The following MATN2 variants were observed in gnomAD, a reference collection of about 807,000 sequenced individuals.
MATN2 encodes the protein matrilin 2.
MATN2 carries 69 observed loss-of-function variants against 103.2 expected under a neutral mutation model. That is an observed-to-expected ratio of 0.67 (90% confidence interval 0.55 to 0.82). The LOEUF is 0.82. Ranked by LOEUF, MATN2 falls within the 40% of genes least tolerant of loss-of-function variation. The pLI, the probability that MATN2 is intolerant of heterozygous loss-of-function variation, is 0.00. For missense variants in MATN2, 1,023 were observed against 1,211.5 expected, an observed-to-expected ratio of 0.84 and a Z score of 2.31; for synonymous variants, 429 against 450.2, an observed-to-expected ratio of 0.95 and a Z score of 0.60.
In MATN2 at chr8:98,026,249, T is replaced by A. The variant is rs192934730; in HGVS notation, c.1943-1167T>A. Among the ~76,000 whole-genome samples the A allele has an allele frequency of 6.2e-3, 920 of 149,068 alleles. 9 individuals are homozygous for A. The highest frequency in any genetic ancestry group is 0.021 in the African/African-American group (841 of 40,422). On this transcript the variant is annotated intron_variant, in intron 13 of 18. Transcript: ENST00000254898. ...GAATTTATGGTGATAACTTTTTTTTTAATTTTGTTTTTTTTTTTTTTACGG... is the reference window on the plus strand; with the variant it reads ...GAATTTATGGTGATAACTTTTTTTTAAATTTTGTTTTTTTTTTTTTTACGG...
At chr8:97,899,686 C>G (rs969362263) in intron 2 of MATN2, among the ~76,000 whole-genome samples, 1 of 152,128 alleles carries the variant, frequency 6.6e-6, no homozygotes, top group Admixed American at 6.5e-5. Context: ...CTTTGAAGAC[C>G]CTAACTCCAA....
intron 2 of MATN2, among the ~76,000 whole-genome samples, chr8:97,910,617 T>C (rs1198225446): frequency 6.6e-6 from 1 of 152,242 alleles, no homozygotes; most frequent in Non-Finnish European, 1.5e-5. Context: ...GCAAGGGAAC[T>C]TTCACGTAAT....
chr8:98,000,784 A>C (rs1299904714), intron 7 of MATN2, among the ~76,000 whole-genome samples: 1 of 152,186 alleles, frequency 6.6e-6, no homozygotes, highest in African/African-American at 2.4e-5. Context: ...GAGAAAAATA[A>C]AGATGGCATG....
chr8:97,941,239 T>C (rs548655261), intron 3 of MATN2, among the ~76,000 whole-genome samples: 53 of 149,666 alleles, frequency 3.5e-4, no homozygotes, highest in African/African-American at 1.2e-3. Context: ...GACATAAAGA[T>C]TACAGAAACA....
intron 3 of MATN2, among the ~76,000 whole-genome samples, chr8:97,939,234 G>A (rs957446938): frequency 3.3e-5 from 5 of 152,056 alleles, no homozygotes; most frequent in Admixed American, 1.3e-4. Context: ...CACAGCCAAC[G>A]GTAACTCCTG....
intron 6 of MATN2, among the ~76,000 whole-genome samples, chr8:97,990,509 C>A (rs1812358265): frequency 6.6e-6 from 1 of 152,166 alleles, no homozygotes; most frequent in African/African-American, 2.4e-5. Context: ...CACACAAAAA[C>A]TTGTGCATTA....
chr8:97,914,684 A>T (rs558175367), intron 2 of MATN2, among the ~76,000 whole-genome samples: 119 of 152,140 alleles, frequency 7.8e-4, no homozygotes, highest in African/African-American at 2.6e-3. Flanking sequence ...CAGGAGGCAC[A>T]TGCCGTCCAC....
Position 98,007,398 on chromosome 8 carries a change from T to C in MATN2, c.1451-81T>C, listed in dbSNP as rs1813010237. 1 of 1,569,394 alleles carries C rather than the reference T, an allele frequency of 6.4e-7. No individual in the cohort carries two copies. Among genetic ancestry groups the C allele is most frequent in the Non-Finnish European group, 8.7e-7 (1 of 1,149,276 alleles). Reference sequence around the variant, plus strand: ...TGCATGCCTTCGAGGGAGGGCGGGGTGAGCATGACGGTCACTTGATCCAAT... The same window carrying C: ...TGCATGCCTTCGAGGGAGGGCGGGGCGAGCATGACGGTCACTTGATCCAAT... On this transcript the variant is annotated intron_variant, in intron 9 of 18. Coordinates refer to ENST00000254898, the MANE Select transcript of MATN2 (RefSeq NM_002380.5). This position sits in a 1 kb window ranked among gnomAD's most constrained non-coding sequence, Gnocchi z 4.2.
At chr8:97,890,324 G>A (rs1027621892) in intron 2 of MATN2, among the ~76,000 whole-genome samples, 6 of 152,140 alleles carry the variant, frequency 3.9e-5, no homozygotes, top group Admixed American at 1.3e-4. Context: ...AATTAGCTGG[G>A]CATGGTGGCG....
At chr8:97,962,900 T>C (rs2512037) in intron 5 of MATN2, among the ~76,000 whole-genome samples, 148,308 of 152,274 alleles carry the variant, frequency 0.97, 72,300 homozygotes, top group Non-Finnish European at 1. Flanking sequence ...TATGGGAGGC[T>C]GAGGCGGGCA....
Position 98,016,253 on chromosome 8 carries a change from G to T in MATN2, c.1574-287G>T, listed in dbSNP as rs1220914080. 2.0e-5 allele frequency among the ~76,000 whole-genome samples: 3 copies of T among 152,122 alleles called. No individual in the cohort carries two copies. In the East Asian group the frequency reaches 5.8e-4, roughly 29 times the overall value. On this transcript the variant is annotated intron_variant, in intron 10 of 18. Coordinates refer to ENST00000254898, the MANE Select transcript of MATN2 (RefSeq NM_002380.5). ...CCTGGTGTGGTGGTGCACGCTTGTA[G>T]TCCCAGCTATCTGGGAGGCTGAGAT...
At chr8:98,004,033 A>C in intron 8 of MATN2, 1 of 398,992 alleles carries the variant, frequency 2.5e-6, no homozygotes, top group Non-Finnish European at 4.8e-6. Context: ...TCACGCCTGT[A>C]ATCCCAGCAC....
At chr8:98,024,121 G>A (rs538752384) in intron 13 of MATN2, among the ~76,000 whole-genome samples, 17 of 152,200 alleles carry the variant, frequency 1.1e-4, no homozygotes, top group Non-Finnish European at 1.8e-4. Context: ...TGATAGGTGC[G>A]GCAAACCACC....
intron 12 of MATN2, among the ~76,000 whole-genome samples, chr8:98,018,723 T>C (rs964826146): frequency 2.6e-5 from 4 of 151,956 alleles, no homozygotes; most frequent in Non-Finnish European, 4.4e-5. Flanking sequence ...CATCAGATCT[T>C]GTGGAGACTT....
chr8:98,032,175 C>A, intron 15 of MATN2, 71 bp from the exon 16 acceptor site: 2 of 1,278,284 alleles, frequency 1.6e-6, no homozygotes, highest in Non-Finnish European at 1.1e-6. Flanking sequence ...TGGTCTGGGA[C>A]CAGCTTCCTG....
chr8:97,927,569 C>A (rs1041379498), intron 2 of MATN2, among the ~76,000 whole-genome samples: 1 of 152,172 alleles, frequency 6.6e-6, no homozygotes, highest in Non-Finnish European at 1.5e-5. Flanking sequence ...TGGTTCTGAG[C>A]CCTCAAGGGA....
intron 18 of MATN2, chr8:98,034,121 G>A (rs1450187438): frequency 1.1e-5 from 5 of 455,248 alleles, no homozygotes; most frequent in Non-Finnish European, 2.2e-5. Flanking sequence ...TAGATTCAGT[G>A]TGTTTAGTTT....
intron 2 of MATN2, among the ~76,000 whole-genome samples, chr8:97,888,518 G>A (rs543398205): frequency 1.3e-5 from 2 of 152,318 alleles, no homozygotes; most frequent in Admixed American, 1.3e-4. Context: ...ATCTGAAAAT[G>A]TCCTTGTTGT....
chr8:97,963,415 C>A (rs191545830), intron 5 of MATN2, among the ~76,000 whole-genome samples: 38 of 152,090 alleles, frequency 2.5e-4, no homozygotes, highest in African/African-American at 9.2e-4. Flanking sequence ...GGCAGGAAGC[C>A]CACCTTGGCC....
Sources: allele counts gnomAD v4.1 joint callset (sites outside exome capture counted in the v4.1 genomes callset), GRCh38; gene constraint gnomAD v4.1.1; non-coding constraint Gnocchi (gnomAD v3.1); transcripts MANE v1.5; gene names NCBI Gene and HGNC (gene_info 2026-07-23, HGNC 2026-07-21).